Variants in GRXCR1 observed in about 807,000 individuals in gnomAD.
GRXCR1 encodes glutaredoxin domain-containing cysteine-rich protein 1.
Under a neutral mutation model 27.3 loss-of-function variants are expected in GRXCR1, and 27 were observed. The ratio of observed to expected loss-of-function variants is 0.99; its 90% CI spans 0.73 to 1.37. The LOEUF (loss-of-function observed/expected upper bound fraction) is 1.37. Ranked by LOEUF, GRXCR1 falls within the 40% of genes most tolerant of loss-of-function variation. GRXCR1 has a pLI of 0.00. For synonymous variants in GRXCR1, 122 were observed against 131.1 expected, an observed-to-expected ratio of 0.93 and a Z score of 0.47; for missense variants, 379 against 354.4, an observed-to-expected ratio of 1.07 and a Z score of -0.56.
At chr4:42,970,149 G>C (rs1188680366) in intron 2 of GRXCR1, among the ~76,000 whole-genome samples, 1 of 152,158 alleles carries the variant, frequency 6.6e-6, no homozygotes, top group East Asian at 1.9e-4. Context: ...GCCTTGGGCA[G>C]TTCTGCCTCT....
chr4:42,920,470 G>A (rs1488483675), intron 1 of GRXCR1, among the ~76,000 whole-genome samples: 3 of 152,102 alleles, frequency 2.0e-5, no homozygotes, highest in Non-Finnish European at 4.4e-5. Flanking sequence ...TTGAGACAAT[G>A]TGTCACACAG....
chr4:42,974,915 T>G (rs999202154), intron 2 of GRXCR1, among the ~76,000 whole-genome samples: 4 of 151,968 alleles, frequency 2.6e-5, no homozygotes, highest in African/African-American at 9.7e-5. Flanking sequence ...TAAAATAGAC[T>G]GAAAACCTTG....
At chr4:42,997,904 G>A (rs1712224324) in intron 2 of GRXCR1, among the ~76,000 whole-genome samples, 1 of 152,118 alleles carries the variant, frequency 6.6e-6, no homozygotes, top group Admixed American at 6.5e-5. Context: ...CTCGGGAACT[G>A]TGAGTACAAA....
At chr4:42,900,752 A>C (rs1746442841) in intron 1 of GRXCR1, among the ~76,000 whole-genome samples, 1 of 152,106 alleles carries the variant, frequency 6.6e-6, no homozygotes, top group Non-Finnish European at 1.5e-5. Flanking sequence ...ATCTTAGTTA[A>C]AAAGGGGACA....
intron 2 of GRXCR1, among the ~76,000 whole-genome samples, chr4:42,973,489 A>G (rs997135609): frequency 6.6e-6 from 1 of 150,754 alleles, no homozygotes; most frequent in Non-Finnish European, 1.5e-5. Context: ...TTTTCTTGAC[A>G]TTAAAAAAAT....
intron 2 of GRXCR1, among the ~76,000 whole-genome samples, chr4:42,992,600 A>T (rs566547676): frequency 6.6e-6 from 1 of 152,052 alleles, no homozygotes; most frequent in Non-Finnish European, 1.5e-5. Flanking sequence ...ATTATATTTC[A>T]TATACTTAGA....
At chr4:42,903,969 C>A (rs1217944008) in intron 1 of GRXCR1, among the ~76,000 whole-genome samples, 3 of 152,158 alleles carry the variant, frequency 2.0e-5, no homozygotes, top group East Asian at 1.9e-4. Context: ...ATATGATACA[C>A]AACCAACTAT....
chr4:42,913,788 G>A (rs1746819955), intron 1 of GRXCR1, among the ~76,000 whole-genome samples: 1 of 152,150 alleles, frequency 6.6e-6, no homozygotes, highest in Non-Finnish European at 1.5e-5. Flanking sequence ...GGTTTTGTGG[G>A]CTGAGCCCAG....
intron 2 of GRXCR1, among the ~76,000 whole-genome samples, chr4:42,986,258 TGAATG>T (rs1172417713): frequency 6.6e-6 from 1 of 152,168 alleles, no homozygotes; most frequent in Non-Finnish European, 1.5e-5. Context: ...ATAAATAAAA[TGAATG>T]AAATGAAGCA....
intron 2 of GRXCR1, among the ~76,000 whole-genome samples, chr4:42,977,911 T>C (rs1362329313): frequency 1.3e-5 from 2 of 152,060 alleles, no homozygotes; most frequent in Non-Finnish European, 2.9e-5. Context: ...CCTTATGTTT[T>C]CTGCTAGCAG....
intron 1 of GRXCR1, among the ~76,000 whole-genome samples, chr4:42,906,612 G>T (rs778824332): frequency 2.6e-5 from 4 of 152,102 alleles, no homozygotes; most frequent in Non-Finnish European, 4.4e-5. Flanking sequence ...AAGCCTTTCA[G>T]CAATGCAGCT....
intron 2 of GRXCR1, among the ~76,000 whole-genome samples, chr4:42,991,663 T>C (rs1010932608): frequency 2.6e-5 from 4 of 152,150 alleles, no homozygotes; most frequent in African/African-American, 9.7e-5. Context: ...TCAGTATTTC[T>C]TGTGTTAGAA....
chr4:42,929,726 AC>A (rs1422057343), intron 1 of GRXCR1, among the ~76,000 whole-genome samples: 1 of 151,838 alleles, frequency 6.6e-6, no homozygotes, highest in Non-Finnish European at 1.5e-5. Flanking sequence ...AAATAGAATG[AC>A]CCAAGCTGCC....
chr4:42,899,503 T>A (rs955865735), intron 1 of GRXCR1, among the ~76,000 whole-genome samples: 14 of 152,170 alleles, frequency 9.2e-5, no homozygotes, highest in African/African-American at 2.7e-4. Context: ...TATGCATTCC[T>A]CAGGCCAATG....
intron 2 of GRXCR1, among the ~76,000 whole-genome samples, chr4:43,017,046 A>G (rs1332011873): frequency 1.3e-5 from 2 of 152,222 alleles, no homozygotes; most frequent in Non-Finnish European, 2.9e-5. Context: ...TTTTTCATGT[A>G]TTGAAGGGTA....
intron 1 of GRXCR1, among the ~76,000 whole-genome samples, chr4:42,962,406 G>C (rs1292174147): frequency 1.3e-5 from 2 of 151,910 alleles, no homozygotes; most frequent in East Asian, 3.9e-4. Flanking sequence ...AAAATCCCAT[G>C]ATAATAGGTC....
At chr4:42,940,169 G>C (rs1212848731) in intron 1 of GRXCR1, among the ~76,000 whole-genome samples, 1 of 151,916 alleles carries the variant, frequency 6.6e-6, no homozygotes, top group Non-Finnish European at 1.5e-5. Context: ...TAAAACCCTG[G>C]AATTAAAGTG....
intron 2 of GRXCR1, among the ~76,000 whole-genome samples, chr4:42,968,563 G>C (rs547406008): frequency 1.2e-3 from 185 of 152,114 alleles, no homozygotes; most frequent in Non-Finnish European, 2.0e-3. Flanking sequence ...ACTGGAGAGA[G>C]TATAAAGTTT....
At chr4:43,025,575 ACACAGTCTGTAGATT>A (rs1283579944) in intron 3 of GRXCR1, among the ~76,000 whole-genome samples, 3 of 152,210 alleles carry the variant, frequency 2.0e-5, no homozygotes, top group Non-Finnish European at 4.4e-5. Context: ...AGGAGAGGAG[ACACAGTCTGTAGATT>A]CAGTACTCTG....
Sources: gnomAD v4.1 joint callset for allele counts (sites outside exome capture counted in the v4.1 genomes callset) on GRCh38, gnomAD v4.1.1 for gene constraint, MANE v1.5 for transcripts, NCBI Gene and HGNC (gene_info 2026-07-23, HGNC 2026-07-21) for gene names.